MACF1: variants seen among roughly 807,000 people sequenced by gnomAD.
The protein encoded by MACF1 is microtubule actin crosslinking factor 1, also known as microtubule-actin cross-linking factor 1.
Under a neutral mutation model 854.8 loss-of-function variants are expected in MACF1, and 193 were observed. The observed-to-expected ratio is 0.23, with a 90% CI of 0.20 to 0.25. The LOEUF is 0.25. MACF1 is among the 10% of genes least tolerant of loss of function. MACF1 has a pLI of 1.00. For missense variants in MACF1, 7,722 were observed against 8,929.1 expected (o/e 0.86, Z 5.45); for synonymous variants, 3,185 against 3,226.7 (o/e 0.99, Z 0.44).
chr1:39,439,226 AG>A (rs1644050676), intron 71 of MACF1, 47 bp from the exon 72 acceptor site: 1 of 1,120,760 alleles, frequency 8.9e-7, no homozygotes, highest in Admixed American at 1.8e-5. Context: ...GACCAATTTC[AG>A]GCTCTTCAGA....
chr1:39,219,932 G>A (rs754062694), intron 1 of MACF1, among the ~76,000 whole-genome samples: 1 of 151,966 alleles, frequency 6.6e-6, no homozygotes, highest in Non-Finnish European at 1.5e-5. Flanking sequence ...TGTATTTTTA[G>A]TAGAGACGGG....
chr1:39,388,615 G>A lies in MACF1; in HGVS notation c.15773G>A (p.Gly5258Glu), dbSNP rs769724948. The A allele has an allele frequency of 1.2e-5, 19 of 1,587,400 alleles. No individual in the cohort carries two copies. The highest frequency in any genetic ancestry group is 1.5e-5 in the Non-Finnish European group (18 of 1,168,934). ...EEAEALQWVV[G>E]TEVEIINQQL... ...GCAGAGGCCCTCCAGTGGGTAGTGG[G>A]GACCGAAGTGGAAATCATCAACCAA... Residue 5258 changes from glycine to glutamate, a missense_variant, in exon 58 of 101, where the codon GGG becomes GAG. This residue lies in a region of MACF1 where 2,807 missense variants were observed against 3,235.8 expected (regional missense o/e 0.87). Transcript: ENST00000564288.
In MACF1 at chr1:39,335,187, A is replaced by G. The variant is rs769521184; in HGVS notation, c.8599A>G (p.Ile2867Val). The G allele has an allele frequency of 1.2e-6, 2 of 1,614,002 alleles. No individual in the cohort carries two copies. The highest frequency in any genetic ancestry group is 2.2e-5 in the East Asian group (1 of 44,870). Residue 2867 changes from isoleucine to valine, a missense_variant, in exon 37 of 101, where the codon ATC (isoleucine) becomes GTC (valine). This residue lies in a region of MACF1 where 854 missense variants were observed against 852.6 expected (regional missense o/e 1.00). Transcript: ENST00000564288. Reference protein sequence around the residue: ...MSSDAKEFISIINPHNLKGKS... With the variant: ...MSSDAKEFISVINPHNLKGKS... ...TTCAGATGCTAAAGAATTTATCAGT[A>G]TCATAAATCCTCATAATCTTAAAGG...
chr1:39,326,680 C>CAA (rs57108021), intron 35 of MACF1, among the ~76,000 whole-genome samples: 34 of 72,680 alleles, frequency 4.7e-4, no homozygotes, highest in African/African-American at 1.4e-3. Context: ...GACTCCATCT[C>CAA]AAAAAAAAAA....
intron 2 of MACF1, among the ~76,000 whole-genome samples, chr1:39,185,841 A>G (rs1301310882): frequency 1.3e-5 from 2 of 152,154 alleles, no homozygotes; most frequent in African/African-American, 4.8e-5. Context: ...CTCTTCATGA[A>G]ATAACAAATC....
intron 92 of MACF1, among the ~76,000 whole-genome samples, chr1:39,461,083 C>CA (rs1284550970): frequency 0.028 from 1,782 of 63,182 alleles, 12 homozygotes; most frequent in Middle Eastern, 0.045. Context: ...GACTCTGTCT[C>CA]AAAAAAAAAA....
intron 93 of MACF1, among the ~76,000 whole-genome samples, chr1:39,463,388 GC>G (rs1644596415): frequency 6.6e-6 from 1 of 151,692 alleles, no homozygotes; most frequent in Non-Finnish European, 1.5e-5. Flanking sequence ...CACTTGGGGG[GC>G]TGAGGTAGGA....
intron 30 of MACF1, 21 bp from the exon 31 acceptor site, chr1:39,319,640 ATGT>A (rs758751659): frequency 6.6e-7 from 1 of 1,504,330 alleles, no homozygotes; most frequent in Non-Finnish European, 9.3e-7. Flanking sequence ...GGCAATGATA[ATGT>A]TGTGATATTT....
At chr1:39,097,987 A>G (rs915090345) in intron 2 of MACF1, among the ~76,000 whole-genome samples, 4 of 152,174 alleles carry the variant, frequency 2.6e-5, no homozygotes, top group African/African-American at 9.7e-5. Context: ...CATAGATTAA[A>G]AAAAGCCACA....
At chr1:39,248,920 G>T (rs939144778) in intron 2 of MACF1, among the ~76,000 whole-genome samples, 1 of 151,866 alleles carries the variant, frequency 6.6e-6, no homozygotes, top group Non-Finnish European at 1.5e-5. Context: ...AGAGAAGGGG[G>T]TCTCCCCACA....
intron 97 of MACF1, among the ~76,000 whole-genome samples, chr1:39,479,066 A>G (rs1348035157): frequency 6.6e-6 from 1 of 152,230 alleles, no homozygotes; most frequent in African/African-American, 2.4e-5. Context: ...GTGCAGCCCC[A>G]GAAAGCCATA....
chr1:39,304,428 C>G (rs1044928817), intron 23 of MACF1: 5 of 1,311,110 alleles, frequency 3.8e-6, no homozygotes, highest in Non-Finnish European at 5.4e-6. Flanking sequence ...GGTTGACCCT[C>G]TCCACCCTTT....
intron 58 of MACF1, chr1:39,410,417 G>C: frequency 6.2e-7 from 1 of 1,613,930 alleles, no homozygotes; most frequent in Non-Finnish European, 8.5e-7. Flanking sequence ...ATTGACCAGG[G>C]GTCAAAGCTT....
intron 21 of MACF1, among the ~76,000 whole-genome samples, chr1:39,298,350 CT>C (rs1645967885): frequency 6.6e-6 from 1 of 152,042 alleles, no homozygotes; most frequent in Non-Finnish European, 1.5e-5. Context: ...ATTTTATATT[CT>C]TTTTCTCCAA....
intron 2 of MACF1, among the ~76,000 whole-genome samples, chr1:39,153,106 C>A (rs1211538440): frequency 6.6e-6 from 1 of 152,210 alleles, no homozygotes; most frequent in Non-Finnish European, 1.5e-5. Flanking sequence ...GACCTGACCT[C>A]TGTTACACCT....
chr1:39,366,943 C>CTTT (rs138556133), intron 49 of MACF1, among the ~76,000 whole-genome samples: 14 of 93,028 alleles, frequency 1.5e-4, no homozygotes, highest in African/African-American at 3.5e-4. Flanking sequence ...CATGCCTGGC[C>CTTT]TTTTTTTTTT....
intron 2 of MACF1, among the ~76,000 whole-genome samples, chr1:39,093,900 T>C (rs1641873981): frequency 6.6e-6 from 1 of 152,136 alleles, no homozygotes; most frequent in African/African-American, 2.4e-5. Flanking sequence ...TGTCTCAGCC[T>C]CCTGAGTAGC....
chr1:39,368,011 T>A (rs1648892154), intron 49 of MACF1, 137 bp from the exon 50 acceptor site: 1 of 594,392 alleles, frequency 1.7e-6, no homozygotes, highest in Non-Finnish European at 2.7e-6. Flanking sequence ...TTGTTTTTTT[T>A]AAACTTTTCA....
intron 28 of MACF1, 104 bp downstream of exon 28, chr1:39,316,633 A>G (rs1299428219): frequency 3.5e-6 from 4 of 1,154,284 alleles, no homozygotes; most frequent in African/African-American, 3.1e-5. Context: ...TTAAATTTGC[A>G]TTTGAATAAG....
Sources: gnomAD v4.1 joint callset for allele counts (sites outside exome capture counted in the v4.1 genomes callset) on GRCh38, gnomAD v4.1.1 for gene constraint, gnomAD v4.1.1 regional missense constraint, MANE v1.5 for transcripts, NCBI Gene and HGNC (gene_info 2026-07-23, HGNC 2026-07-21) for gene names.